The following SLCO1B3 variants were observed in gnomAD, a reference collection of about 807,000 sequenced individuals.
The protein encoded by SLCO1B3 is liver-specific organic anion transporter 2.
In SLCO1B3, 72 loss-of-function variants were observed where a neutral mutation model predicts 71.8. The ratio of observed to expected loss-of-function variants is 1.00; its 90% CI spans 0.83 to 1.22. The LOEUF is 1.22. Among genes scored for constraint, SLCO1B3 ranks in the 50% most tolerant of loss-of-function variants. The probability of loss-of-function intolerance (pLI) is 0.00; values close to 1 mark genes in which losing one functional copy is unlikely to be tolerated. For synonymous variants in SLCO1B3, 298 were observed against 278.4 expected, an observed-to-expected ratio of 1.07 and a Z score of -0.70; for missense variants, 911 against 819.7, an observed-to-expected ratio of 1.11 and a Z score of -1.36.
intron 3 of SLCO1B3, among the ~76,000 whole-genome samples, chr12:20,824,623 CATATT>C (rs1257905438): frequency 6.6e-6 from 1 of 152,094 alleles, no homozygotes; most frequent in Non-Finnish European, 1.5e-5. Context: ...TCTACTAAGA[CATATT>C]AGAATCACAG....
intron 8 of SLCO1B3, among the ~76,000 whole-genome samples, chr12:20,865,819 C>T (rs1414689642): frequency 1.3e-5 from 2 of 152,040 alleles, no homozygotes; most frequent in African/African-American, 2.4e-5. Context: ...CACAGAGAAA[C>T]TCTTATAGAC....
chr12:20,859,953 C>CTTTTTTTTTT (rs768328762), intron 5 of SLCO1B3, among the ~76,000 whole-genome samples: 2 of 118,004 alleles, frequency 1.7e-5, no homozygotes, highest in African/African-American at 3.2e-5. Flanking sequence ...CTGATCATTT[C>CTTTTTTTTTT]TTTTTTTTTT....
intron 7 of SLCO1B3, 33 bp downstream of exon 7, chr12:20,862,591 A>T: frequency 6.4e-7 from 1 of 1,559,270 alleles, no homozygotes; most frequent in Non-Finnish European, 8.7e-7. Flanking sequence ...TTTCATGATT[A>T]CATTCCCTGG....
Position 20,833,718 on chromosome 12 carries a change from C to T in SLCO1B3, c.84+17896C>T, listed in dbSNP as rs1171415181. Among the ~76,000 whole-genome samples the T allele has an allele frequency of 4.0e-5, 5 of 124,938 alleles. No individual in the cohort carries two copies. The Admixed American group carries it at 4.7e-4, about 12-fold the overall frequency. The allele number at this position is 124,938 out of a possible 152,430, so 82.0% of individuals were successfully genotyped here. A position where few individuals can be genotyped will look rare whatever the true frequency, so the allele number is the denominator to read the frequency against. On this transcript the variant is annotated intron_variant, in intron 3 of 15. Coordinates refer to ENST00000381545, the MANE Select transcript of SLCO1B3 (RefSeq NM_019844.4). Reference sequence around the variant, plus strand: ...GAGATGATAAATTACATGTATATTACATATATTTACATATGTAATTTATTT... The same window carrying T: ...GAGATGATAAATTACATGTATATTATATATATTTACATATGTAATTTATTT...
chr12:20,846,867 C>T (rs1009849536), intron 3 of SLCO1B3, among the ~76,000 whole-genome samples: 3 of 151,594 alleles, frequency 2.0e-5, no homozygotes, highest in South Asian at 2.1e-4. Context: ...AACAGCTTGC[C>T]GTGACTGCAG....
chr12:20,914,694 G>A (rs1210610815), intron 15 of SLCO1B3, among the ~76,000 whole-genome samples: 1 of 152,090 alleles, frequency 6.6e-6, no homozygotes, highest in Non-Finnish European at 1.5e-5. Context: ...TGCAAGGAGA[G>A]TCTACTGGCA....
intron 3 of SLCO1B3, among the ~76,000 whole-genome samples, chr12:20,827,440 A>G (rs531671568): frequency 3.3e-5 from 5 of 152,284 alleles, no homozygotes; most frequent in African/African-American, 9.6e-5. Flanking sequence ...GCTCCTTTAT[A>G]TATTTTTAGT....
intron 15 of SLCO1B3, among the ~76,000 whole-genome samples, chr12:20,903,511 C>T (rs1175127460): frequency 6.6e-6 from 1 of 152,096 alleles, no homozygotes; most frequent in African/African-American, 2.4e-5. Flanking sequence ...ACTTGGAGGC[C>T]TCAGAAAACT....
chr12:20,824,054 C>T (rs1440597941), intron 3 of SLCO1B3, among the ~76,000 whole-genome samples: 4 of 152,108 alleles, frequency 2.6e-5, no homozygotes, highest in Admixed American at 2.0e-4. Context: ...ATTGAGAATA[C>T]TCTCAAAATA....
intron 3 of SLCO1B3, among the ~76,000 whole-genome samples, chr12:20,844,462 G>C (rs920695552): frequency 1.3e-5 from 2 of 151,718 alleles, no homozygotes; most frequent in African/African-American, 4.8e-5. Context: ...CAGTTACCTG[G>C]GAAGCTGAGA....
intron 15 of SLCO1B3, among the ~76,000 whole-genome samples, chr12:20,909,529 T>A (rs548200562): frequency 6.8e-6 from 1 of 147,780 alleles, no homozygotes; most frequent in African/African-American, 2.6e-5. Flanking sequence ...TGGGGAGATA[T>A]ATGTTAAAGT....
At chr12:20,902,165 T>C (rs1286520527) in intron 15 of SLCO1B3, 16 of 234,606 alleles carry the variant, frequency 6.8e-5, no homozygotes, top group South Asian at 1.3e-4. Flanking sequence ...AGGATTTATA[T>C]TGCTTTGTGT....
chr12:20,895,629 C>T (rs929246719), intron 13 of SLCO1B3, among the ~76,000 whole-genome samples: 2 of 152,190 alleles, frequency 1.3e-5, no homozygotes, highest in Admixed American at 6.5e-5. Flanking sequence ...GCTGCCTTCT[C>T]GGGTTGGCGT....
chr12:20,910,629 C>T (rs1367624422), intron 15 of SLCO1B3, among the ~76,000 whole-genome samples: 1 of 152,036 alleles, frequency 6.6e-6, no homozygotes, highest in Non-Finnish European at 1.5e-5. Context: ...TCTTTGATTT[C>T]TTTCATCAGA....
At position 20,833,925 on chromosome 12, in the gene SLCO1B3, CACAT is replaced by C. The variant is rs574991079; in HGVS notation, c.84+18109_84+18112del. Among the ~76,000 whole-genome samples, 1,187 of 146,460 alleles carry C rather than the reference CACAT, an allele frequency of 8.1e-3. 18 individuals are homozygous for C. Among genetic ancestry groups the C allele is most frequent in the African/African-American group, 0.028 (1,133 of 40,470 alleles). On this transcript the variant is annotated intron_variant, in intron 3 of 15. Transcript: ENST00000381545. The stretch of plus-strand genomic sequence containing the variant: ...CATGTATATATAGTAAACATGTGTA[CACAT>C]ACATATGTACACATATACATATATA...
At chr12:20,896,719 T>G (rs1310829672) in intron 13 of SLCO1B3, among the ~76,000 whole-genome samples, 1 of 152,178 alleles carries the variant, frequency 6.6e-6, no homozygotes, top group Admixed American at 6.5e-5. Context: ...TTCCACATTT[T>G]CAGGTATCTT....
intron 4 of SLCO1B3, among the ~76,000 whole-genome samples, chr12:20,856,120 A>G (rs949818441): frequency 2.6e-5 from 4 of 152,234 alleles, no homozygotes; most frequent in African/African-American, 9.6e-5. Flanking sequence ...CTAGAATTTT[A>G]GAATTGGAAT....
At chr12:20,818,305 A>C (rs1049140106) in intron 3 of SLCO1B3, among the ~76,000 whole-genome samples, 1 of 152,168 alleles carries the variant, frequency 6.6e-6, no homozygotes, top group Non-Finnish European at 1.5e-5. Flanking sequence ...GAGCCTAAAA[A>C]AATGCTTGAC....
intron 1 of SLCO1B3, among the ~76,000 whole-genome samples, chr12:20,813,244 A>G (rs1416506313): frequency 6.6e-6 from 1 of 152,228 alleles, no homozygotes; most frequent in Non-Finnish European, 1.5e-5. Context: ...TAGAGAATCA[A>G]TAAATCCTTG....
Sources: allele counts gnomAD v4.1 joint callset (sites outside exome capture counted in the v4.1 genomes callset), GRCh38; gene constraint gnomAD v4.1.1; transcripts MANE v1.5; gene names NCBI Gene and HGNC (gene_info 2026-07-23, HGNC 2026-07-21).